Variants in BTBD10 observed in about 807,000 individuals in gnomAD.
The protein encoded by BTBD10 is BTB/POZ domain-containing protein 10.
A neutral mutation model predicts 53.2 loss-of-function variants in BTBD10; 21 were observed. The observed-to-expected ratio is 0.39, with a 90% CI of 0.28 to 0.57. The LOEUF (loss-of-function observed/expected upper bound fraction) is 0.57. Among genes scored for constraint, BTBD10 ranks in the 20% least tolerant of loss-of-function variants. The pLI, the probability that BTBD10 is intolerant of heterozygous loss-of-function variation, is 0.53. For synonymous variants in BTBD10, 149 were observed against 192.7 expected, an observed-to-expected ratio of 0.77 and a Z score of 1.88; for missense variants, 360 against 594.7, an observed-to-expected ratio of 0.61 and a Z score of 4.10.
At chr11:13,429,390 A>G (rs1950406522) in intron 2 of BTBD10, among the ~76,000 whole-genome samples, 1 of 152,180 alleles carries the variant, frequency 6.6e-6, no homozygotes, top group Non-Finnish European at 1.5e-5. Flanking sequence ...ATTTCAAGAC[A>G]TATTAAAAAA....
intron 1 of BTBD10, among the ~76,000 whole-genome samples, chr11:13,448,766 T>C (rs1183173026): frequency 1.3e-5 from 2 of 152,174 alleles, no homozygotes; most frequent in African/African-American, 4.8e-5. Context: ...TGGCTCCTCG[T>C]TTCCTATATC....
intron 1 of BTBD10, among the ~76,000 whole-genome samples, chr11:13,457,311 T>C (rs933243080): frequency 6.6e-6 from 1 of 152,214 alleles, no homozygotes; most frequent in Non-Finnish European, 1.5e-5. Flanking sequence ...TAATATTCCA[T>C]AAAATATTTG....
At chr11:13,433,871 A>G (rs1950499313) in intron 2 of BTBD10, among the ~76,000 whole-genome samples, 1 of 152,230 alleles carries the variant, frequency 6.6e-6, no homozygotes, top group Non-Finnish European at 1.5e-5. Context: ...AATAGATTTA[A>G]TAACAATTTA....
intron 8 of BTBD10, among the ~76,000 whole-genome samples, chr11:13,392,379 G>A (rs1020008943): frequency 2.0e-5 from 3 of 152,154 alleles, no homozygotes; most frequent in African/African-American, 7.2e-5. Flanking sequence ...AGCTAGAGAG[G>A]CAGGAACACA....
intron 8 of BTBD10, among the ~76,000 whole-genome samples, chr11:13,398,040 T>C (rs1190736136): frequency 1.3e-5 from 2 of 152,234 alleles, no homozygotes; most frequent in African/African-American, 2.4e-5. Flanking sequence ...TGGGGAATTC[T>C]GTAGATGTCT....
At chr11:13,446,166 G>A (rs1055851812) in intron 1 of BTBD10, among the ~76,000 whole-genome samples, 1 of 152,106 alleles carries the variant, frequency 6.6e-6, no homozygotes, top group African/African-American at 2.4e-5. Context: ...TTTAAACAAA[G>A]CTATACAATT....
At position 13,448,765 on chromosome 11, in the gene BTBD10, G is replaced by A. The variant is rs140069173; in HGVS notation, c.-57-3584C>T. On this transcript the variant is annotated intron_variant, in intron 1 of 8. Coordinates refer to ENST00000278174, the MANE Select transcript of BTBD10 (RefSeq NM_032320.7). The stretch of plus-strand genomic sequence containing the variant: ...CTTCCTAAAAACTGAATGGCTCCTC[G>A]TTTCCTATATCTAAACTCCTTACTA... Among the ~76,000 whole-genome samples, 368 of 152,174 alleles carry A rather than the reference G, an allele frequency of 2.4e-3. 1 individual carries two copies. The highest frequency in any genetic ancestry group is 7.8e-3 in the African/African-American group (322 of 41,510).
intron 1 of BTBD10, among the ~76,000 whole-genome samples, chr11:13,455,682 A>G (rs534273620): frequency 5.9e-5 from 9 of 152,376 alleles, no homozygotes; most frequent in African/African-American, 1.7e-4. Context: ...TCTTGACATA[A>G]TATCAATTAA....
intron 2 of BTBD10, among the ~76,000 whole-genome samples, chr11:13,434,898 T>C (rs535651527): frequency 3.9e-5 from 6 of 152,230 alleles, no homozygotes; most frequent in African/African-American, 9.6e-5. Flanking sequence ...AAAAGAAGAG[T>C]TAAGGATGAC....
At chr11:13,435,847 G>A (rs1362832659) in intron 2 of BTBD10, among the ~76,000 whole-genome samples, 1 of 152,040 alleles carries the variant, frequency 6.6e-6, no homozygotes, top group Non-Finnish European at 1.5e-5. Flanking sequence ...CCTTCCAAAT[G>A]ACCTTTGAAA....
chr11:13,414,758 T>G (rs1950055180), intron 5 of BTBD10, among the ~76,000 whole-genome samples: 1 of 146,924 alleles, frequency 6.8e-6, no homozygotes, highest in Non-Finnish European at 1.5e-5. Flanking sequence ...GAGAATCACT[T>G]GAACTCAGGA....
intron 8 of BTBD10, among the ~76,000 whole-genome samples, chr11:13,399,749 T>C (rs1177679420): frequency 6.6e-6 from 1 of 152,204 alleles, no homozygotes; most frequent in Non-Finnish European, 1.5e-5. Flanking sequence ...TTCTGTTTGT[T>C]AGTTTTCCTT....
intron 2 of BTBD10, among the ~76,000 whole-genome samples, chr11:13,429,391 T>C (rs1260340512): frequency 1.3e-5 from 2 of 152,094 alleles, no homozygotes; most frequent in African/African-American, 4.8e-5. Context: ...TTTCAAGACA[T>C]ATTAAAAAAC....
chr11:13,447,509 CA>C (rs1182569751), intron 1 of BTBD10, among the ~76,000 whole-genome samples: 2 of 152,174 alleles, frequency 1.3e-5, no homozygotes, highest in Non-Finnish European at 2.9e-5. Flanking sequence ...GATCCTAAAC[CA>C]TGGGTGGCAG....
intron 2 of BTBD10, among the ~76,000 whole-genome samples, chr11:13,444,024 G>A (rs1369260297): frequency 2.6e-5 from 4 of 151,950 alleles, no homozygotes; most frequent in African/African-American, 7.3e-5. Context: ...CATACAATTT[G>A]GCATGGACTT....
chr11:13,392,752 A>G (rs1042670036), intron 8 of BTBD10, among the ~76,000 whole-genome samples: 1 of 152,140 alleles, frequency 6.6e-6, no homozygotes, highest in Non-Finnish European at 1.5e-5. Flanking sequence ...ATCCCATCCA[A>G]TTAAAGACTT....
chr11:13,439,521 T>C (rs1473336491), intron 2 of BTBD10, among the ~76,000 whole-genome samples: 1 of 152,118 alleles, frequency 6.6e-6, no homozygotes, highest in African/African-American at 2.4e-5. Flanking sequence ...TTTAGAAAAT[T>C]TCAATTATTT....
Position 13,440,866 on chromosome 11 carries a change from C to T in BTBD10, c.101+4158G>A, listed in dbSNP as rs367691362. ...ATCTAGACATTTTAACCTTCTTATA[C>T]AGAAAAAGTGCTTTTCTTTTTCTTT... On this transcript the variant is annotated intron_variant, in intron 2 of 8. Transcript: ENST00000278174. Among the ~76,000 whole-genome samples the T allele has an allele frequency of 4.1e-4, 63 of 152,280 alleles. No homozygotes were observed. In the South Asian group the frequency reaches 0.012, roughly 29 times the overall value.
intron 2 of BTBD10, 87 bp from the exon 3 acceptor site, chr11:13,421,925 T>C (rs747530018): frequency 1.6e-5 from 17 of 1,089,332 alleles, no homozygotes; most frequent in Non-Finnish European, 2.1e-5. Context: ...AACAAAAAAC[T>C]AGTATCTTGA....
Sources: allele counts gnomAD v4.1 joint callset (sites outside exome capture counted in the v4.1 genomes callset), GRCh38; gene constraint gnomAD v4.1.1; transcripts MANE v1.5; gene names NCBI Gene and HGNC (gene_info 2026-07-23, HGNC 2026-07-21).